FAM13B: variants seen among roughly 807,000 people sequenced by gnomAD.
The protein encoded by FAM13B is protein FAM13B.
Under a neutral mutation model 117.3 loss-of-function variants are expected in FAM13B, and 60 were observed. That is an observed-to-expected ratio of 0.51 (90% CI 0.42 to 0.63). FAM13B has a LOEUF of 0.63. FAM13B is among the 30% of genes least tolerant of loss of function. FAM13B has a pLI of 0.00. For missense variants in FAM13B, 972 were observed against 1,091.9 expected (o/e 0.89, Z 1.55); for synonymous variants, 332 against 356.1 (o/e 0.93, Z 0.76).
At chr5:138,048,155 C>T (rs777300581) in intron 1 of FAM13B, among the ~76,000 whole-genome samples, 5 of 152,100 alleles carry the variant, frequency 3.3e-5, no homozygotes, top group African/African-American at 7.2e-5. Context: ...GCAGAAAGTA[C>T]GATTTCCCAT....
chr5:137,956,152 T>C (rs1323092811), intron 14 of FAM13B, among the ~76,000 whole-genome samples: 3 of 152,220 alleles, frequency 2.0e-5, no homozygotes, highest in Non-Finnish European at 4.4e-5. Flanking sequence ...GAACATAATT[T>C]AGTTTGTTTT....
At chr5:137,966,484 T>TAGAGAGAGAGAG (rs1203408763) in intron 10 of FAM13B, among the ~76,000 whole-genome samples, 73 of 50,582 alleles carry the variant, frequency 1.4e-3, no homozygotes, top group East Asian at 5.5e-3. Flanking sequence ...TATATATATA[T>TAGAGAGAGAGAG]ATATAGAGAG....
At chr5:137,947,188 T>A (rs890341983) in intron 18 of FAM13B, among the ~76,000 whole-genome samples, 1 of 152,200 alleles carries the variant, frequency 6.6e-6, no homozygotes, top group African/African-American at 2.4e-5. Context: ...GACCAAATAA[T>A]CTCTCTACTT....
chr5:137,966,065 C>A (rs933801974), intron 10 of FAM13B, among the ~76,000 whole-genome samples: 14 of 150,704 alleles, frequency 9.3e-5, no homozygotes, highest in Non-Finnish European at 4.4e-5. Flanking sequence ...TCAGATAAAA[C>A]TCCTAAATAT....
At chr5:138,043,181 T>C (rs1039965791) in intron 1 of FAM13B, among the ~76,000 whole-genome samples, 3 of 151,974 alleles carry the variant, frequency 2.0e-5, no homozygotes, top group African/African-American at 7.3e-5. Context: ...CTGAGCACCA[T>C]AGTGAGACCC....
chr5:137,983,748 A>C, intron 10 of FAM13B, among the ~76,000 whole-genome samples: 1 of 152,190 alleles, frequency 6.6e-6, no homozygotes, highest in Non-Finnish European at 1.5e-5. Context: ...TAATATGTTC[A>C]CATCTTTTTA....
In FAM13B at chr5:138,033,076, G is replaced by T. The variant is rs1790616499; in HGVS notation, c.-497C>A. On this transcript the variant is annotated 5_prime_UTR_variant, in exon 1 of 24. Coordinates refer to ENST00000689681, the MANE Select transcript of FAM13B (RefSeq NM_001385994.1). ...CCCTAACGGCGAGCGGGAGGAGAGC[G>T]GCTGGCGGGCGGAGGCCGGGCCGGA... 4.1e-6 allele frequency: 4 copies of T among 986,130 alleles called. No individual in the cohort carries two copies. Among genetic ancestry groups the T allele is most frequent in the East Asian group, 1.1e-4 (1 of 8,854 alleles). 61.1% of individuals were successfully genotyped at this position (986,130 alleles called of 1,614,324 possible).
intron 1 of FAM13B, among the ~76,000 whole-genome samples, chr5:138,049,357 T>A (rs928925571): frequency 4.6e-5 from 7 of 152,180 alleles, no homozygotes; most frequent in African/African-American, 1.7e-4. Flanking sequence ...CACTACAACC[T>A]CTGCCTCCCG....
intron 4 of FAM13B, among the ~76,000 whole-genome samples, 170 bp downstream of exon 4, chr5:138,018,132 G>A (rs990741737): frequency 4.6e-5 from 7 of 152,068 alleles, no homozygotes; most frequent in Non-Finnish European, 7.4e-5. Context: ...GAGGGATCCC[G>A]GAAGTTGCCT....
intron 1 of FAM13B, among the ~76,000 whole-genome samples, chr5:138,022,068 G>A (rs1258131370): frequency 6.7e-6 from 1 of 149,634 alleles, no homozygotes; most frequent in Non-Finnish European, 1.5e-5. Flanking sequence ...GGTTGTGTTT[G>A]CACCACTGCA....
chr5:137,997,526 AAAC>A, intron 7 of FAM13B, among the ~76,000 whole-genome samples: 1 of 151,746 alleles, frequency 6.6e-6, no homozygotes, highest in East Asian at 1.9e-4. Context: ...TGTGGATATA[AAAC>A]AACAATTTAG....
intron 1 of FAM13B, among the ~76,000 whole-genome samples, chr5:138,024,836 A>G (rs140698014): frequency 5.9e-5 from 6 of 101,230 alleles, no homozygotes; most frequent in African/African-American, 1.8e-4. Flanking sequence ...GAGAGAGAGA[A>G]AGAGAGAGAG....
At chr5:137,972,814 C>G (rs1451627243) in intron 10 of FAM13B, among the ~76,000 whole-genome samples, 1 of 151,928 alleles carries the variant, frequency 6.6e-6, no homozygotes, top group Non-Finnish European at 1.5e-5. Flanking sequence ...TATACACCAA[C>G]AACAGACAAA....
chr5:137,983,160 G>C (rs1776240740), intron 10 of FAM13B, among the ~76,000 whole-genome samples: 1 of 99,538 alleles, frequency 1.0e-5, no homozygotes. Context: ...GAATGAGAAA[G>C]AACAGCCAGT....
chr5:137,938,371 GT>G lies in FAM13B; in HGVS notation c.*1853del, dbSNP rs1454654683. On this transcript the variant is annotated 3_prime_UTR_variant, in exon 24 of 24. Coordinates refer to ENST00000689681, the MANE Select transcript of FAM13B (RefSeq NM_001385994.1). ...GTGCATATGGACATTTTTGCATGTG[GT>G]ATATAAAATAAAACATTCATATAAG... The G allele has an allele frequency of 4.6e-5, 7 of 152,432 alleles. No individual in the cohort carries two copies. Among genetic ancestry groups the G allele is most frequent in the Non-Finnish European group, 1.0e-4 (7 of 68,022 alleles). The allele number at this position is 152,432 out of a possible 1,614,324, so 9.4% of individuals were successfully genotyped here. A position where few individuals can be genotyped will look rare whatever the true frequency, so the allele number is the denominator to read the frequency against.
intron 10 of FAM13B, among the ~76,000 whole-genome samples, chr5:137,976,823 C>T (rs1043746029): frequency 1.3e-5 from 2 of 152,152 alleles, no homozygotes; most frequent in Non-Finnish European, 1.5e-5. Flanking sequence ...TATTTCGCCT[C>T]AGGACCCTGT....
chr5:138,033,561 C>T (rs1264457839), upstream of FAM13B, among the ~76,000 whole-genome samples: 2 of 152,160 alleles, frequency 1.3e-5, no homozygotes, highest in Non-Finnish European at 2.9e-5. Context: ...CCTACCCCTT[C>T]ACCTCAGGAC....
At chr5:138,040,694 C>G (rs79922520) in intron 1 of FAM13B, among the ~76,000 whole-genome samples, 15 of 152,246 alleles carry the variant, frequency 9.9e-5, no homozygotes, top group African/African-American at 3.6e-4. Context: ...CCAAAACTTG[C>G]CATGCTGAAA....
chr5:137,967,833 C>T (rs535873082), intron 10 of FAM13B, among the ~76,000 whole-genome samples: 1 of 152,200 alleles, frequency 6.6e-6, no homozygotes, highest in Admixed American at 6.5e-5. Flanking sequence ...GCTGAGATTG[C>T]AGTGAGCTGT....
Sources: allele counts gnomAD v4.1 joint callset (sites outside exome capture counted in the v4.1 genomes callset), GRCh38; gene constraint gnomAD v4.1.1; transcripts MANE v1.5; gene names NCBI Gene and HGNC (gene_info 2026-07-23, HGNC 2026-07-21).